Variants in IGFL2 observed in about 807,000 individuals in gnomAD.
The protein encoded by IGFL2 is IGF like family member 2, also known as insulin growth factor-like family member 2.
IGFL2 carries 7 observed loss-of-function variants against 13.9 expected under a neutral mutation model. The ratio of observed to expected loss-of-function variants is 0.51; its 90% confidence interval spans 0.29 to 0.95. The LOEUF (loss-of-function observed/expected upper bound fraction) is 0.95. Among genes scored for constraint, IGFL2 ranks in the 40% least tolerant of loss-of-function variants. IGFL2 has a pLI of 0.08. For missense variants in IGFL2, 138 were observed against 147.8 expected (o/e 0.93, Z 0.34); for synonymous variants, 55 against 55.8 (o/e 0.99, Z 0.07).
the IGFL2 span, among the ~76,000 whole-genome samples, chr19:46,199,783 A>T: frequency 3.3e-5 from 5 of 152,378 alleles, no homozygotes; most frequent in South Asian, 1.0e-3. Flanking sequence ...TGAGAGATGA[A>T]GCCCGTTATT....
chr19:46,136,870 G>C, the IGFL2 span: 1 of 752,914 alleles, frequency 1.3e-6, no homozygotes, highest in Non-Finnish European at 2.4e-6. Flanking sequence ...GTGTTGAAAA[G>C]ACTACTCTGT....
the IGFL2 span, among the ~76,000 whole-genome samples, chr19:46,177,445 A>G: frequency 6.6e-6 from 1 of 152,170 alleles, no homozygotes. Context: ...GTACTGAACT[A>G]GGAATCAGGC....
the IGFL2 span, chr19:46,120,503 C>T: frequency 8.2e-7 from 1 of 1,218,530 alleles, no homozygotes; most frequent in Non-Finnish European, 1.1e-6. Flanking sequence ...AGGACACAGT[C>T]ACCATGAAAA....
At chr19:46,143,074 A>T (rs1020332338), upstream of IGFL2, 1 of 152,212 alleles carries the variant, frequency 6.6e-6, no homozygotes, top group Non-Finnish European at 1.5e-5. Context: ...GGCTTGAACT[A>T]TGCAGGTCCA....
chr19:46,212,685 C>T, the IGFL2 span: 1 of 151,672 alleles, frequency 6.6e-6, no homozygotes, highest in South Asian at 2.1e-4. Context: ...ACGACAATAA[C>T]CAAAATCAGG....
At chr19:46,080,957 C>G in the IGFL2 span, among the ~76,000 whole-genome samples, 4 of 152,212 alleles carry the variant, frequency 2.6e-5, no homozygotes, top group Admixed American at 2.6e-4. Context: ...TGGACGGGAA[C>G]CTGATCTCCC....
At chr19:46,157,958 A>G (rs888442260) in intron 1 of IGFL2, among the ~76,000 whole-genome samples, 4 of 152,176 alleles carry the variant, frequency 2.6e-5, no homozygotes, top group Non-Finnish European at 4.4e-5. Flanking sequence ...CAAGATCAAC[A>G]TAGAAAAAAT....
the IGFL2 span, among the ~76,000 whole-genome samples, chr19:46,097,495 T>A: frequency 4.8e-3 from 737 of 152,224 alleles, 5 homozygotes; most frequent in African/African-American, 0.017. Context: ...GGAGAGTTTT[T>A]TGTGTCTCTA....
At chr19:46,185,058 G>C in the IGFL2 span, among the ~76,000 whole-genome samples, 3 of 152,294 alleles carry the variant, frequency 2.0e-5, no homozygotes, top group East Asian at 3.8e-4. Flanking sequence ...TTTGAGAAGT[G>C]TCTGTACATG....
the IGFL2 span, among the ~76,000 whole-genome samples, chr19:46,198,890 C>A: frequency 6.6e-6 from 1 of 152,208 alleles, no homozygotes; most frequent in Non-Finnish European, 1.5e-5. Flanking sequence ...GGAACTAACA[C>A]CACAAAGATG....
At chr19:46,171,136 A>G in the IGFL2 span, among the ~76,000 whole-genome samples, 1 of 152,094 alleles carries the variant, frequency 6.6e-6, no homozygotes, top group Non-Finnish European at 1.5e-5. Context: ...CCGACCTGTG[A>G]TGTCTTCCCC....
chr19:46,175,866 G>A, the IGFL2 span, among the ~76,000 whole-genome samples: 2 of 144,518 alleles, frequency 1.4e-5, no homozygotes, highest in Admixed American at 6.9e-5. Context: ...TTTTTGAAAC[G>A]GAGTCTCGCT....
the IGFL2 span, among the ~76,000 whole-genome samples, chr19:46,088,193 GA>G: frequency 6.6e-6 from 1 of 152,122 alleles, no homozygotes; most frequent in African/African-American, 2.4e-5. Flanking sequence ...TCTTTCAGAT[GA>G]TCTATTTGAA....
the IGFL2 span, among the ~76,000 whole-genome samples, chr19:46,133,646 T>G: frequency 6.6e-6 from 1 of 152,260 alleles, no homozygotes; most frequent in African/African-American, 2.4e-5. Context: ...AGTATATTGA[T>G]TTCTTTATTA....
At chr19:46,129,224 C>A in the IGFL2 span, among the ~76,000 whole-genome samples, 24 of 151,208 alleles carry the variant, frequency 1.6e-4, no homozygotes, top group Non-Finnish European at 4.4e-5. Flanking sequence ...TTCGGATCTT[C>A]CCTCTTCTTT....
At chr19:46,109,918 G>A in the IGFL2 span, among the ~76,000 whole-genome samples, 1 of 152,078 alleles carries the variant, frequency 6.6e-6, no homozygotes, top group Non-Finnish European at 1.5e-5. Flanking sequence ...CCATCTGGAT[G>A]TATACATGCG....
chr19:46,121,394 G>GGA, the IGFL2 span, among the ~76,000 whole-genome samples: 5 of 124,414 alleles, frequency 4.0e-5, no homozygotes, highest in South Asian at 5.3e-4. Context: ...ATCCTGTCTT[G>GGA]AAAAAAAAAA....
At chr19:46,155,712 C>T (rs2146865415) in intron 1 of IGFL2, among the ~76,000 whole-genome samples, 1 of 152,098 alleles carries the variant, frequency 6.6e-6, no homozygotes, top group African/African-American at 2.4e-5. Flanking sequence ...AGATACATTC[C>T]CCCCCAATAT....
chr19:46,140,919 T>C (rs1019140109), upstream of IGFL2, among the ~76,000 whole-genome samples: 35 of 152,034 alleles, frequency 2.3e-4, no homozygotes, highest in African/African-American at 8.4e-4. Flanking sequence ...GGGAGAAAAA[T>C]CTCCTTCATG....
Sources: gnomAD v4.1 joint callset for allele counts (sites outside exome capture counted in the v4.1 genomes callset) on GRCh38, gnomAD v4.1.1 for gene constraint, MANE v1.5 for transcripts, NCBI Gene and HGNC (gene_info 2026-07-23, HGNC 2026-07-21) for gene names.